The following MYO18B variants were observed in gnomAD, a reference collection of about 807,000 sequenced individuals.
MYO18B encodes myosin XVIIIB.
A neutral mutation model predicts 273.0 loss-of-function variants in MYO18B; 204 were observed. The observed-to-expected ratio is 0.75, with a 90% CI of 0.67 to 0.84. MYO18B has a LOEUF of 0.84. Among genes scored for constraint, MYO18B ranks in the 40% least tolerant of loss-of-function variants. The pLI, the probability that MYO18B is intolerant of heterozygous loss-of-function variation, is 0.00. For synonymous variants in MYO18B, 1,330 were observed against 1,305.7 expected, an observed-to-expected ratio of 1.02 and a Z score of -0.40; for missense variants, 3,212 against 3,287.6, an observed-to-expected ratio of 0.98 and a Z score of 0.56.
rs984935094 is a variant in MYO18B at position 25,902,661 on chromosome 22, G to A, written c.4872G>A (p.Lys1624=). ...CCCTAGGTGAGTCAGTGTTTGAGAA[G>A]GGTCTCCGTGAGAAAGTGACCCAGG... is the stretch of plus-strand genomic sequence containing the variant. ...AQALGESVFE[K]GLREKVTQEN... Residue 1624 remains lysine (K), a synonymous_variant, in exon 30 of 44, where the codon AAG becomes AAA. Transcript: ENST00000335473. 3.1e-6 allele frequency: 5 copies of A among 1,602,272 alleles called. 1 individual carries two copies. In the African/African-American group the frequency reaches 6.7e-5, roughly 21 times the overall value.
rs371092342 is a variant in MYO18B, at chr22:26,002,699, T to C, written c.6288-566T>C. Among the ~76,000 whole-genome samples, 5 of 152,324 alleles carry C rather than the reference T, an allele frequency of 3.3e-5. No individual in the cohort carries two copies. The East Asian group carries it at 7.7e-4, about 24-fold the overall frequency. Reference sequence around the variant, plus strand: ...GGCCTGGGATCAAAAGCTGTGTGACTTAGACAAGTATGTCAGGTTCCTAAT... The same window carrying C: ...GGCCTGGGATCAAAAGCTGTGTGACCTAGACAAGTATGTCAGGTTCCTAAT... On this transcript the variant is annotated intron_variant, in intron 40 of 43. Transcript: ENST00000335473.
intron 28 of MYO18B, chr22:25,897,396 G>A (rs941214177): frequency 6.6e-6 from 1 of 152,168 alleles, no homozygotes; most frequent in South Asian, 2.1e-4. Context: ...GATTTTAGTG[G>A]TCGCTTTCAA....
intron 37 of MYO18B, 41 bp from the exon 38 acceptor site, chr22:25,952,245 A>G (rs759866555): frequency 1.3e-6 from 2 of 1,594,714 alleles, no homozygotes; most frequent in South Asian, 1.1e-5. Flanking sequence ...TCCTGGTATC[A>G]GGGACAACAG....
At chr22:25,878,921 A>C (rs2091268676) in intron 25 of MYO18B, among the ~76,000 whole-genome samples, 1 of 152,272 alleles carries the variant, frequency 6.6e-6, no homozygotes, top group Admixed American at 6.5e-5. Context: ...ATGAAAATAC[A>C]AGAAGTTCAT....
chr22:25,914,192 A>T (rs2092216281), intron 33 of MYO18B, among the ~76,000 whole-genome samples: 5 of 151,552 alleles, frequency 3.3e-5, no homozygotes, highest in Admixed American at 3.3e-4. Flanking sequence ...CTGGGTTTTG[A>T]TAACTCGTAG....
chr22:25,902,667 C>T lies in MYO18B; in HGVS notation c.4878C>T (p.Leu1626=). 1 of 1,600,940 alleles carries T rather than the reference C, an allele frequency of 6.2e-7. No individual in the cohort carries two copies. The part of the protein sequence containing the change: ...ALGESVFEKG[L]REKVTQENTS... ...GTGAGTCAGTGTTTGAGAAGGGTCT[C>T]CGTGAGAAAGTGACCCAGGAGAACA... Residue 1626 remains leucine (L), a synonymous_variant, in exon 30 of 44, where the codon CTC becomes CTT. Coordinates refer to ENST00000335473, the MANE Select transcript of MYO18B (RefSeq NM_032608.7).
chr22:25,921,533 A>T, intron 34 of MYO18B, 124 bp downstream of exon 34: 1 of 1,244,384 alleles, frequency 8.0e-7, no homozygotes, highest in Non-Finnish European at 1.1e-6. Context: ...ACAGATGTGC[A>T]GGGAGATGGG....
At chr22:25,989,634 A>AAG in intron 39 of MYO18B, among the ~76,000 whole-genome samples, 1 of 48,510 alleles carries the variant, frequency 2.1e-5, no homozygotes, top group South Asian at 7.7e-4. Context: ...TACAAAAAAA[A>AAG]AAAAAAAAAA....
At chr22:25,917,559 T>TGTGTGA in intron 33 of MYO18B, among the ~76,000 whole-genome samples, 1 of 151,360 alleles carries the variant, frequency 6.6e-6, no homozygotes, top group Non-Finnish European at 1.5e-5. Flanking sequence ...TGTGTGTGTG[T>TGTGTGA]GTGTGTGTGT....
intron 42 of MYO18B, among the ~76,000 whole-genome samples, chr22:26,012,376 A>G (rs1934985643): frequency 6.6e-6 from 1 of 152,246 alleles, no homozygotes; most frequent in East Asian, 1.9e-4. Context: ...GGAGCTCAGG[A>G]TAATTTTAAT....
At position 25,768,265 on chromosome 22, in the gene MYO18B, C is replaced by T. The variant is rs943570726; in HGVS notation, c.349C>T (p.Pro117Ser). The part of the protein sequence containing the change: ...KESEGSRSPD[P>S]EQMTSINGEK... The stretch of plus-strand genomic sequence containing the variant: ...GAGCGAGGGGTCCCGCAGCCCCGAC[C>T]CTGAGCAGATGACAAGCATCAATGG... The change falls in exon 4 of 44, where the codon CCT (proline) becomes TCT (serine). Residue 117 changes from proline to serine, a missense_variant. Physicochemically the swap from Pro to Ser is moderately conservative, Grantham distance 74. Coordinates refer to ENST00000335473, the MANE Select transcript of MYO18B (RefSeq NM_032608.7). The T allele has an allele frequency of 6.2e-7, 1 of 1,613,956 alleles. No individual in the cohort carries two copies.
Position 25,895,914 on chromosome 22 carries a change from A to G in MYO18B, c.4668+634A>G, listed in dbSNP as rs1183830683. ...CCCCCAGTAGTCACAGGTGTTCTGC[A>G]TTGTGGAATGTTTTTTTTTTTTTCC... On this transcript the variant is annotated intron_variant, in intron 28 of 43. Transcript: ENST00000335473. 2.7e-5 allele frequency among the ~76,000 whole-genome samples: 4 copies of G among 146,688 alleles called. No individual in the cohort carries two copies. The East Asian group carries it at 7.8e-4, about 29-fold the overall frequency.
chr22:25,992,326 C>T (rs1033214598), intron 39 of MYO18B, 37 bp from the exon 40 acceptor site: 3 of 1,609,814 alleles, frequency 1.9e-6, no homozygotes, highest in African/African-American at 2.7e-5. Context: ...GCATTTCTTG[C>T]CCAAGGCCAA....
intron 34 of MYO18B, among the ~76,000 whole-genome samples, chr22:25,934,914 T>C (rs759800298): frequency 5.3e-5 from 8 of 150,402 alleles, no homozygotes; most frequent in Middle Eastern, 3.4e-3. Context: ...GTTCCGTCCC[T>C]CAGTGCTCAA....
chr22:25,855,473 C>A (rs963339363), intron 21 of MYO18B, among the ~76,000 whole-genome samples: 2 of 152,006 alleles, frequency 1.3e-5, no homozygotes, highest in Non-Finnish European at 2.9e-5. Context: ...TTAGTAGAGA[C>A]GGGGTTTCAC....
Position 25,781,739 on chromosome 22 carries a change from G to A in MYO18B, c.2217G>A (p.Met739Ile), listed in dbSNP as rs752338073. 6.4e-6 allele frequency: 10 copies of A among 1,560,934 alleles called. No homozygotes were observed. The highest frequency in any genetic ancestry group is 8.7e-6 in the Non-Finnish European group (10 of 1,155,108). The part of the protein sequence containing the change: ...GRITAAQLQT[M>I]LLEKSRVARQ... ...CCCCTCTTCTCTCCCTGCAGACAAT[G>A]CTTTTGGAGAAGAGCCGCGTGGCAC... Residue 739 changes from methionine (M) to isoleucine (I), a missense_variant, in exon 10 of 44, where the codon ATG (methionine) becomes ATA (isoleucine). Physicochemically the swap from Met to Ile is conservative, Grantham distance 10. Transcript: ENST00000335473.
intron 36 of MYO18B, among the ~76,000 whole-genome samples, chr22:25,948,527 T>TTCCTTCCTTCCTTCCTTC (rs1555961004): frequency 0.02 from 2,206 of 110,448 alleles, 72 homozygotes; most frequent in Middle Eastern, 0.029. Context: ...CTTCTTTCTT[T>TTCCTTCCTTCCTTCCTTC]CTTCCTTCCT....
rs2089993999 is a variant in MYO18B at position 25,838,989 on chromosome 22, C to T, written c.3208+3546C>T. ...TATATGTGAGGGTATGTATGTAGTG[C>T]ATGTGCCTGTGTGTATATGTGTGTG... On this transcript the variant is annotated intron_variant, in intron 17 of 43. Coordinates refer to ENST00000335473, the MANE Select transcript of MYO18B (RefSeq NM_032608.7). Among the ~76,000 whole-genome samples, 3 of 150,452 alleles carry T rather than the reference C, an allele frequency of 2.0e-5. 1 individual carries two copies. The South Asian group carries it at 6.3e-4, about 32-fold the overall frequency.
the MYO18B span, among the ~76,000 whole-genome samples, chr22:26,053,540 G>A: frequency 6.6e-6 from 1 of 152,186 alleles, no homozygotes; most frequent in Non-Finnish European, 1.5e-5. Flanking sequence ...ATGCAAGGGT[G>A]TTCTTAATTT....
Sources: allele counts gnomAD v4.1 joint callset (sites outside exome capture counted in the v4.1 genomes callset), GRCh38; gene constraint gnomAD v4.1.1; transcripts MANE v1.5; gene names NCBI Gene and HGNC (gene_info 2026-07-23, HGNC 2026-07-21).